USP6NL: variants seen among roughly 807,000 people sequenced by gnomAD.
USP6NL encodes the protein USP6 N-terminal like, also known as USP6 N-terminal-like protein.
In USP6NL, 26 loss-of-function variants were observed where a neutral mutation model predicts 61.9. The observed-to-expected ratio is 0.42, with a 90% CI of 0.31 to 0.58. The LOEUF (loss-of-function observed/expected upper bound fraction) is 0.58, where lower values mean the gene tolerates loss of function less well. Among genes scored for constraint, USP6NL ranks in the 20% least tolerant of loss-of-function variants. The probability of loss-of-function intolerance (pLI) is 0.16; values close to 1 mark genes in which losing one functional copy is unlikely to be tolerated. For synonymous variants in USP6NL, 432 were observed against 390.1 expected, an observed-to-expected ratio of 1.11 and a Z score of -1.27; for missense variants, 1,114 against 1,034.3, an observed-to-expected ratio of 1.08 and a Z score of -1.06.
chr10:11,511,297 A>AT lies in USP6NL; in HGVS notation c.196-1623dup, dbSNP rs1417470351. 3.3e-5 allele frequency among the ~76,000 whole-genome samples: 5 copies of AT among 152,206 alleles called. No homozygotes were observed. The highest frequency in any genetic ancestry group is 2.6e-4 in the Admixed American group (4 of 15,284). ...TATTTTCCTCATTATATTATTAGTG[A>AT]TAAACTGTTGCAGATGGTTCCAGAA... On this transcript the variant is annotated intron_variant, in intron 5 of 14. Transcript: ENST00000609104. This position sits in a 1 kb window ranked among gnomAD's most constrained non-coding sequence, Gnocchi z 4.9.
intron 2 of USP6NL, among the ~76,000 whole-genome samples, chr10:11,551,976 A>G (rs1297079342): frequency 6.6e-6 from 1 of 152,246 alleles, no homozygotes; most frequent in Non-Finnish European, 1.5e-5. Context: ...ATACCTAAAT[A>G]GCAGGTGCAT....
chr10:11,532,305 G>T lies in USP6NL; in HGVS notation c.5-4738C>A. 1.5e-6 allele frequency: 2 copies of T among 1,307,152 alleles called. No individual in the cohort carries two copies. Among genetic ancestry groups the T allele is most frequent in the Non-Finnish European group, 2.1e-6 (2 of 954,144 alleles). 81.0% of individuals were successfully genotyped at this position (1,307,152 alleles called of 1,614,324 possible). The stretch of plus-strand genomic sequence containing the variant: ...GAACACACCAAGAGTGCTGCCCGGC[G>T]GTACCTCACACATTCTGCAACTAAC... On this transcript the variant is annotated intron_variant, in intron 2 of 14. Transcript: ENST00000609104. This position sits in a 1 kb window ranked among gnomAD's most constrained non-coding sequence, Gnocchi z 4.1.
chr10:11,534,400 G>C (rs563548915), intron 2 of USP6NL, among the ~76,000 whole-genome samples: 2 of 152,216 alleles, frequency 1.3e-5, no homozygotes, highest in African/African-American at 4.8e-5. Context: ...AACAGGATCC[G>C]TAACATTGCC....
chr10:11,490,939 C>T lies in USP6NL; in HGVS notation c.495-59G>A. 1 of 1,421,526 alleles carries T rather than the reference C, an allele frequency of 7.0e-7. No individual in the cohort carries two copies. The highest frequency in any genetic ancestry group is 9.4e-7 in the Non-Finnish European group (1 of 1,058,954). The allele number at this position is 1,421,526 out of a possible 1,614,324, so 88.1% of individuals were successfully genotyped here. A position where few individuals can be genotyped will look rare whatever the true frequency, so the allele number is the denominator to read the frequency against. On this transcript the variant is annotated intron_variant, in intron 8 of 14. Transcript: ENST00000609104. The surrounding 1 kb of genome is among the most constrained non-coding windows in gnomAD (Gnocchi z 4.5). The stretch of plus-strand genomic sequence containing the variant: ...GTAATTTCACATATTTTAAAAATTA[C>T]AAACTTAAAAAAATAAACCAAAGAC...
intron 10 of USP6NL, among the ~76,000 whole-genome samples, chr10:11,488,676 T>C (rs1407991063): frequency 6.6e-6 from 1 of 152,250 alleles, no homozygotes; most frequent in Non-Finnish European, 1.5e-5. Context: ...TCTCAATTAC[T>C]GTTTTTTTGA....
chr10:11,518,472 A>G lies in USP6NL; in HGVS notation c.195+63T>C, dbSNP rs1835051499. The G allele has an allele frequency of 6.9e-7, 1 of 1,458,700 alleles. No individual in the cohort carries two copies. The highest frequency in any genetic ancestry group is 1.4e-5 in the African/African-American group (1 of 71,360). The allele number at this position is 1,458,700 out of a possible 1,614,324, so 90.4% of individuals were successfully genotyped here. ...GCACTTAAAATCACAAAGGTGGTCA[A>G]TTTTATTCTTCTAATAAAGGCAATT... is the stretch of plus-strand genomic sequence containing the variant. On this transcript the variant is annotated intron_variant, in intron 5 of 14. Coordinates refer to ENST00000609104, the MANE Select transcript of USP6NL (RefSeq NM_014688.5). This position sits in a 1 kb window ranked among gnomAD's most constrained non-coding sequence, Gnocchi z 5.3.
chr10:11,552,953 T>C (rs1836549227), intron 2 of USP6NL, among the ~76,000 whole-genome samples: 4 of 152,124 alleles, frequency 2.6e-5, no homozygotes, highest in Admixed American at 1.3e-4. Context: ...CAGCAGGTAA[T>C]TTTCAAACCT....
At chr10:11,523,066 G>A (rs1412704856) in intron 4 of USP6NL, among the ~76,000 whole-genome samples, 1 of 152,116 alleles carries the variant, frequency 6.6e-6, no homozygotes, top group Non-Finnish European at 1.5e-5. Flanking sequence ...GCACAGAACA[G>A]TGCTCAGCAC....
rs150642971 is a variant in USP6NL at position 11,517,586 on chromosome 10, C to G, written c.195+949G>C. On this transcript the variant is annotated intron_variant, in intron 5 of 14. Coordinates refer to ENST00000609104, the MANE Select transcript of USP6NL (RefSeq NM_014688.5). ...AACAAAGGTATTCATTTGCTGAAAC[C>G]TCTAGGTTATGATACTGAGAGAGAA... 8.4e-4 allele frequency among the ~76,000 whole-genome samples: 128 copies of G among 152,234 alleles called. No homozygotes were observed. In the East Asian group the frequency reaches 0.022, roughly 26 times the overall value.
At chr10:11,608,494 G>C (rs1163052016) in intron 1 of USP6NL, among the ~76,000 whole-genome samples, 2 of 152,188 alleles carry the variant, frequency 1.3e-5, no homozygotes, top group Non-Finnish European at 2.9e-5. Context: ...CTGTGAACAA[G>C]CTCTTCTCTC....
intron 2 of USP6NL, among the ~76,000 whole-genome samples, chr10:11,580,715 C>T (rs1837726595): frequency 6.6e-6 from 1 of 152,180 alleles, no homozygotes; most frequent in Non-Finnish European, 1.5e-5. Flanking sequence ...TAACCTTCAG[C>T]CATGGTTCAG....
chr10:11,603,252 G>C (rs1311734909), intron 1 of USP6NL, among the ~76,000 whole-genome samples: 2 of 152,156 alleles, frequency 1.3e-5, no homozygotes, highest in Non-Finnish European at 2.9e-5. Context: ...TATCAAATCC[G>C]AGTAGGTTTA....
intron 1 of USP6NL, among the ~76,000 whole-genome samples, chr10:11,599,405 C>T (rs1838436050): frequency 6.6e-6 from 1 of 152,204 alleles, no homozygotes; most frequent in Admixed American, 6.5e-5. Context: ...TAGCACACTG[C>T]TTCCTGCCTC....
intron 2 of USP6NL, among the ~76,000 whole-genome samples, chr10:11,531,098 T>G (rs1835638080): frequency 6.6e-6 from 1 of 152,224 alleles, no homozygotes; most frequent in Admixed American, 6.5e-5. Flanking sequence ...AATCAGGACA[T>G]TATCCCAAAA....
At chr10:11,543,000 A>T (rs1197389172) in intron 2 of USP6NL, among the ~76,000 whole-genome samples, 1 of 152,282 alleles carries the variant, frequency 6.6e-6, no homozygotes, top group Admixed American at 6.5e-5. Context: ...ATATTTAGGG[A>T]TTAGAAATTA....
In USP6NL at chr10:11,513,268, G is replaced by A. The variant is rs1275753219; in HGVS notation, c.196-3593C>T. Among the ~76,000 whole-genome samples the A allele has an allele frequency of 6.6e-6, 1 of 152,206 alleles. No homozygotes were observed. The highest frequency in any genetic ancestry group is 2.4e-5 in the African/African-American group (1 of 41,454). On this transcript the variant is annotated intron_variant, in intron 5 of 14. Coordinates refer to ENST00000609104, the MANE Select transcript of USP6NL (RefSeq NM_014688.5). The surrounding 1 kb of genome is among the most constrained non-coding windows in gnomAD (Gnocchi z 4.7). ...TGAAACCAGAATGTTATTTCTGATA[G>A]CAATGTGATCACTGTAATACAGAAG...
At chr10:11,599,592 A>G (rs1408368736) in intron 1 of USP6NL, among the ~76,000 whole-genome samples, 1 of 152,234 alleles carries the variant, frequency 6.6e-6, no homozygotes, top group Non-Finnish European at 1.5e-5. Flanking sequence ...TATAGTTTGC[A>G]AAACTAAATA....
rs1833430192 is a variant in USP6NL at position 11,485,602 on chromosome 10, G to T, written c.759+215C>A. On this transcript the variant is annotated intron_variant, in intron 11 of 14. Transcript: ENST00000609104. The surrounding 1 kb of genome is among the most constrained non-coding windows in gnomAD (Gnocchi z 4.8). ...CATTGTTTGTATCATTAGCTTCAAA[G>T]AAGTTCAAATCCCTCAGTAAGAACT... Among the ~76,000 whole-genome samples, 1 of 152,126 alleles carries T rather than the reference G, an allele frequency of 6.6e-6. No homozygotes were observed. The highest frequency in any genetic ancestry group is 1.5e-5 in the Non-Finnish European group (1 of 68,004).
Position 11,460,656 on chromosome 10 carries a change from A to ATATATATATATAT in USP6NL, c.*1784_*1785insATATATATATATA, listed in dbSNP as rs1566104005. 5.3e-5 allele frequency: 6 copies of ATATATATATATAT among 113,672 alleles called. No individual in the cohort carries two copies. The highest frequency in any genetic ancestry group is 9.2e-5 in the Non-Finnish European group (5 of 54,228). 7.0% of individuals were successfully genotyped at this position (113,672 alleles called of 1,614,324 possible). The stretch of plus-strand genomic sequence containing the variant: ...ATATATATATATATATATATATATA[A>ATATATATATATAT]AAATCTACAGTATTTACCACTGTTG... On this transcript the variant is annotated 3_prime_UTR_variant, in exon 15 of 15. Transcript: ENST00000609104.
Sources: gnomAD v4.1 joint callset for allele counts (sites outside exome capture counted in the v4.1 genomes callset) on GRCh38, gnomAD v4.1.1 for gene constraint, Gnocchi (gnomAD v3.1) non-coding constraint, MANE v1.5 for transcripts, NCBI Gene and HGNC (gene_info 2026-07-23, HGNC 2026-07-21) for gene names.